The following UGGT1 variants were observed in gnomAD, a reference collection of about 807,000 sequenced individuals.
UGGT1 encodes the protein UDP-glucose glycoprotein glucosyltransferase 1, also known as UDP-glucose:glycoprotein glucosyltransferase 1.
UGGT1 carries 107 observed loss-of-function variants against 203.9 expected under a neutral mutation model. The ratio of observed to expected loss-of-function variants is 0.52; its 90% CI spans 0.45 to 0.62. The LOEUF is 0.62. UGGT1 is among the 20% of genes least tolerant of loss of function. UGGT1 has a pLI of 0.00. For missense variants in UGGT1, 1,673 were observed against 1,867.2 expected, an observed-to-expected ratio of 0.90 and a Z score of 1.92; for synonymous variants, 628 against 653.5, an observed-to-expected ratio of 0.96 and a Z score of 0.59.
intron 8 of UGGT1, among the ~76,000 whole-genome samples, chr2:128,117,515 T>G (rs1688163693): frequency 6.6e-6 from 1 of 151,838 alleles, no homozygotes; most frequent in Admixed American, 6.6e-5. Context: ...TCATAGTATT[T>G]TATAGCTGGA....
At chr2:128,180,680 G>A (rs1180064473) in intron 35 of UGGT1, among the ~76,000 whole-genome samples, 2 of 152,204 alleles carry the variant, frequency 1.3e-5, no homozygotes, top group Non-Finnish European at 2.9e-5. Context: ...TTCATGTGGT[G>A]ACCAGAAGTC....
At chr2:128,139,212 G>C (rs1277298567) in intron 16 of UGGT1, among the ~76,000 whole-genome samples, 1 of 152,098 alleles carries the variant, frequency 6.6e-6, no homozygotes, top group African/African-American at 2.4e-5. Context: ...TTGTTTGTTT[G>C]TTTGAATATA....
At chr2:128,136,591 A>G (rs1267942040) in intron 15 of UGGT1, among the ~76,000 whole-genome samples, 1 of 152,110 alleles carries the variant, frequency 6.6e-6, no homozygotes, top group Non-Finnish European at 1.5e-5. Flanking sequence ...ATGTCCCCCC[A>G]TTTATTTATC....
chr2:128,177,944 T>C (rs766610066), intron 33 of UGGT1, 24 bp downstream of exon 33: 24 of 1,571,062 alleles, frequency 1.5e-5, no homozygotes, highest in South Asian at 2.3e-5. Context: ...GTAAGAGTTA[T>C]GTTTTTAAGG....
intron 18 of UGGT1, among the ~76,000 whole-genome samples, chr2:128,148,765 T>C (rs906281265): frequency 4.6e-5 from 7 of 152,156 alleles, no homozygotes; most frequent in African/African-American, 1.2e-4. Flanking sequence ...CCTTTTTTTT[T>C]CTTTGTTTTT....
intron 11 of UGGT1, among the ~76,000 whole-genome samples, chr2:128,126,523 T>C (rs1688608454): frequency 1.3e-5 from 2 of 152,106 alleles, no homozygotes; most frequent in South Asian, 4.1e-4. Flanking sequence ...ATTACAGGCA[T>C]GAGCCACTGT....
At chr2:128,136,620 A>T (rs1689142348) in intron 15 of UGGT1, among the ~76,000 whole-genome samples, 1 of 152,226 alleles carries the variant, frequency 6.6e-6, no homozygotes, top group Non-Finnish European at 1.5e-5. Flanking sequence ...TAATTGAAAG[A>T]TACCTTGGTT....
chr2:128,098,583 C>G (rs1191948261), intron 2 of UGGT1, among the ~76,000 whole-genome samples: 3 of 151,984 alleles, frequency 2.0e-5, no homozygotes, highest in Non-Finnish European at 4.4e-5. Flanking sequence ...TGGGGAAACC[C>G]CGTCTCTCCA....
Position 128,103,952 on chromosome 2 carries a change from G to A in UGGT1, c.215G>A (p.Ser72Asn), listed in dbSNP as rs1310853472. Residue 72 changes from serine to asparagine, a missense_variant, in exon 3 of 41, where the codon AGT becomes AAT. Physicochemically the swap from Ser to Asn is conservative, Grantham distance 46. This residue lies in a region of UGGT1 where 83 missense variants were observed against 87.2 expected (regional missense o/e 0.95). Coordinates refer to ENST00000259253, the MANE Select transcript of UGGT1 (RefSeq NM_020120.4). ...LEASEFLAED[S>N]QEKFWNFVEA... Reference sequence around the variant, plus strand: ...CCCAGTGAGTTTTTAGCAGAAGACAGTCAAGAGAAATTTTGGAATTTTGTA... The same window carrying A: ...CCCAGTGAGTTTTTAGCAGAAGACAATCAAGAGAAATTTTGGAATTTTGTA... 6.3e-7 allele frequency: 1 copy of A among 1,592,758 alleles called. No homozygotes were observed.
At chr2:128,169,171 G>A (rs530307993) in intron 26 of UGGT1, among the ~76,000 whole-genome samples, 21 of 148,138 alleles carry the variant, frequency 1.4e-4, no homozygotes, top group South Asian at 4.3e-4. Flanking sequence ...AGGAGTTTGA[G>A]ACTAGTCTGG....
Position 128,120,417 on chromosome 2 carries a change from A to G in UGGT1, c.934A>G (p.Thr312Ala). Residue 312 changes from threonine (T) to alanine (A), a missense_variant, in exon 9 of 41, where the codon ACC becomes GCC. By Grantham distance (58) the Thr-to-Ala change is moderately conservative. Coordinates refer to ENST00000259253, the MANE Select transcript of UGGT1 (RefSeq NM_020120.4). ...KELRKHLVES[T>A]NEMAPLKVWQ... Reference sequence around the variant, plus strand: ...ACTCAGAAAGCATCTTGTAGAGAGCACCAATGAAATGGCACCTTTAAAGGT... The same window carrying G: ...ACTCAGAAAGCATCTTGTAGAGAGCGCCAATGAAATGGCACCTTTAAAGGT... The G allele has an allele frequency of 6.2e-7, 1 of 1,614,088 alleles. No homozygotes were observed. Among genetic ancestry groups the G allele is most frequent in the South Asian group, 1.1e-5 (1 of 91,060 alleles).
At position 128,191,910 on chromosome 2, in the gene UGGT1, T is replaced by C. The variant is rs72848173; in HGVS notation, c.*2168T>C. The C allele has an allele frequency of 7.4e-3, 1,131 of 152,312 alleles. 9 individuals carry two copies. The highest frequency in any genetic ancestry group is 0.012 in the Non-Finnish European group (815 of 68,074). The allele number at this position is 152,312 out of a possible 1,614,324, so 9.4% of individuals were successfully genotyped here. The stretch of plus-strand genomic sequence containing the variant: ...GTTCAAGCTGCATCTTCACATTGAA[T>C]GAAAGCATTCAGACGGGTGACTGCT... On this transcript the variant is annotated 3_prime_UTR_variant, in exon 41 of 41. Coordinates refer to ENST00000259253, the MANE Select transcript of UGGT1 (RefSeq NM_020120.4).
chr2:128,183,028 C>T (rs972821137), intron 37 of UGGT1, among the ~76,000 whole-genome samples: 4 of 151,380 alleles, frequency 2.6e-5, no homozygotes, highest in Non-Finnish European at 5.9e-5. Flanking sequence ...ATAGTTTTCC[C>T]TGTGACCTAC....
At chr2:128,179,580 A>G (rs959280604) in intron 34 of UGGT1, among the ~76,000 whole-genome samples, 6 of 152,216 alleles carry the variant, frequency 3.9e-5, no homozygotes, top group Non-Finnish European at 8.8e-5. Context: ...TAGGTGAGGA[A>G]TGCCCCTTCT....
rs899698071 is a variant in UGGT1, at chr2:128,104,106, A to G, written c.277+92A>G. 8.8e-6 allele frequency: 8 copies of G among 912,156 alleles called. No homozygotes were observed. The Admixed American group carries it at 1.2e-4, about 14-fold the overall frequency. 56.5% of individuals were successfully genotyped at this position (912,156 alleles called of 1,614,324 possible). ...TTATAGTATGTGTGGCATGGCAGTT[A>G]ATGGAAAACATTGTTGTCTTTAATG... On this transcript the variant is annotated intron_variant, in intron 3 of 40. Coordinates refer to ENST00000259253, the MANE Select transcript of UGGT1 (RefSeq NM_020120.4).
chr2:128,120,940 T>A (rs1319528359), intron 9 of UGGT1, among the ~76,000 whole-genome samples: 1 of 149,454 alleles, frequency 6.7e-6, no homozygotes, highest in Non-Finnish European at 1.5e-5. Context: ...TGATTTAGCC[T>A]GTGCTACATG....
intron 22 of UGGT1, among the ~76,000 whole-genome samples, chr2:128,158,594 T>G (rs1690364314): frequency 6.6e-6 from 1 of 152,238 alleles, no homozygotes; most frequent in Admixed American, 6.5e-5. Flanking sequence ...CCACAAAGTT[T>G]TATTTGTTTA....
At position 128,109,969 on chromosome 2, in the gene UGGT1, G is replaced by A. The variant is rs189436128; in HGVS notation, c.521+223G>A. ...TCTTTCCTAATCTCATTTCAAAATG[G>A]AGATGATACAAGTATTTAGTATTAA... On this transcript the variant is annotated intron_variant, in intron 5 of 40. Transcript: ENST00000259253. 9.9e-5 allele frequency among the ~76,000 whole-genome samples: 15 copies of A among 152,268 alleles called. No homozygotes were observed. The East Asian group carries it at 2.9e-3, about 29-fold the overall frequency.
At chr2:128,133,304 T>TG (rs34066685) in intron 14 of UGGT1, 44 bp downstream of exon 14, 907,011 of 1,603,774 alleles carry the variant, frequency 0.57, 258,757 homozygotes, top group East Asian at 0.65. Context: ...GTTTCTCCCT[T>TG]GCCTAGTCCC....
Sources: allele counts gnomAD v4.1 joint callset (sites outside exome capture counted in the v4.1 genomes callset), GRCh38; gene constraint gnomAD v4.1.1; regional missense constraint gnomAD v4.1.1; transcripts MANE v1.5; gene names NCBI Gene and HGNC (gene_info 2026-07-23, HGNC 2026-07-21).